Variants in TBCE observed in about 807,000 individuals in gnomAD.
TBCE encodes the protein tubulin folding cofactor E.
TBCE carries 53 observed loss-of-function variants against 77.0 expected under a neutral mutation model. The ratio of observed to expected loss-of-function variants is 0.69; its 90% confidence interval spans 0.55 to 0.87. The LOEUF is 0.87. TBCE is among the 40% of genes least tolerant of loss of function. The probability of loss-of-function intolerance (pLI) is 0.00; values close to 1 mark genes in which losing one functional copy is unlikely to be tolerated. For synonymous variants in TBCE, 235 were observed against 241.3 expected (o/e 0.97, Z 0.24); for missense variants, 624 against 622.4 (o/e 1.00, Z -0.03).
chr1:235,405,656 A>G (rs1242229839), intron 3 of TBCE, among the ~76,000 whole-genome samples: 1 of 152,062 alleles, frequency 6.6e-6, no homozygotes, highest in East Asian at 1.9e-4. Flanking sequence ...GAAAAAATAG[A>G]AGGAGTACAC....
rs150075040 is a variant in TBCE at position 235,408,248 on chromosome 1, G to A, written c.186-6185G>A. Among the ~76,000 whole-genome samples the A allele has an allele frequency of 1.8e-4, 28 of 152,264 alleles. No homozygotes were observed. In the East Asian group the frequency reaches 5.0e-3, roughly 27 times the overall value. ...ATTCACCCTGATGTGATTGTTACACGTGTGCCTGTATCAAAATATTGTATG... is the reference window on the plus strand; with the variant it reads ...ATTCACCCTGATGTGATTGTTACACATGTGCCTGTATCAAAATATTGTATG... On this transcript the variant is annotated intron_variant, in intron 3 of 16. Coordinates refer to ENST00000642610, the MANE Select transcript of TBCE (RefSeq NM_003193.5).
At chr1:235,428,105 A>G (rs1405065301) in intron 6 of TBCE, among the ~76,000 whole-genome samples, 1 of 151,768 alleles carries the variant, frequency 6.6e-6, no homozygotes, top group African/African-American at 2.4e-5. Flanking sequence ...CGGGCGGATC[A>G]TGAGGTCAGG....
chr1:235,388,722 G>A (rs1375182408), intron 2 of TBCE, among the ~76,000 whole-genome samples: 1 of 152,208 alleles, frequency 6.6e-6, no homozygotes, highest in Non-Finnish European at 1.5e-5. Flanking sequence ...AGCAGACTTA[G>A]CTAGAGATTT....
chr1:235,378,786 A>C (rs555511288), intron 1 of TBCE, among the ~76,000 whole-genome samples: 1 of 152,274 alleles, frequency 6.6e-6, no homozygotes, highest in East Asian at 1.9e-4. Flanking sequence ...GCTTGAACCC[A>C]GCAGGCAGAG....
intron 8 of TBCE, 149 bp from the exon 9 acceptor site, chr1:235,435,596 G>C (rs1175197053): frequency 1.4e-6 from 1 of 690,134 alleles, no homozygotes; most frequent in Non-Finnish European, 2.6e-6. Context: ...CATCACCACA[G>C]GGACCACTCA....
At chr1:235,425,893 A>G (rs554840169) in intron 5 of TBCE, among the ~76,000 whole-genome samples, 2 of 152,224 alleles carry the variant, frequency 1.3e-5, no homozygotes, top group South Asian at 4.1e-4. Flanking sequence ...TGGGCACTGC[A>G]TATAGAACAG....
At chr1:235,395,398 A>G (rs888683723) in intron 2 of TBCE, among the ~76,000 whole-genome samples, 8 of 151,966 alleles carry the variant, frequency 5.3e-5, no homozygotes, top group African/African-American at 1.4e-4. Flanking sequence ...ATGCACAATA[A>G]ATTATTGTTG....
At chr1:235,428,863 C>T (rs1002307511) in intron 6 of TBCE, among the ~76,000 whole-genome samples, 6 of 151,294 alleles carry the variant, frequency 4.0e-5, no homozygotes, top group Non-Finnish European at 8.8e-5. Context: ...AGGATAGTCT[C>T]AATCTCTTGA....
chr1:235,438,982 T>C, intron 13 of TBCE, 60 bp downstream of exon 13: 3 of 1,611,632 alleles, frequency 1.9e-6, no homozygotes, highest in Non-Finnish European at 2.5e-6. Context: ...ACAAAGTTTT[T>C]TCTTGGGTAT....
intron 8 of TBCE, among the ~76,000 whole-genome samples, chr1:235,434,577 C>T (rs1337917432): frequency 4.7e-5 from 7 of 149,384 alleles, no homozygotes; most frequent in Non-Finnish European, 7.4e-5. Flanking sequence ...CTCACTCTGT[C>T]GCCCAGGCTG....
At chr1:235,397,511 C>T (rs912058175) in intron 2 of TBCE, among the ~76,000 whole-genome samples, 1 of 152,200 alleles carries the variant, frequency 6.6e-6, no homozygotes, top group Non-Finnish European at 1.5e-5. Context: ...CCGCGTCCGG[C>T]ACTTTGTTGA....
At chr1:235,447,335 C>T (rs1023461726) in intron 15 of TBCE, among the ~76,000 whole-genome samples, 3 of 152,162 alleles carry the variant, frequency 2.0e-5, no homozygotes, top group African/African-American at 4.8e-5. Context: ...AGGAACACCA[C>T]ACTATTGCTG....
intron 5 of TBCE, among the ~76,000 whole-genome samples, chr1:235,424,386 G>A (rs865949491): frequency 3.3e-5 from 4 of 119,486 alleles, no homozygotes; most frequent in South Asian, 5.2e-4. Flanking sequence ...GTGCAGTGGC[G>A]CGATCTTGGC....
At chr1:235,386,206 C>T (rs1470612570) in intron 2 of TBCE, among the ~76,000 whole-genome samples, 1 of 151,702 alleles carries the variant, frequency 6.6e-6, no homozygotes, top group African/African-American at 2.4e-5. Flanking sequence ...TGATGGGCTT[C>T]CCTTTGTCTC....
intron 2 of TBCE, among the ~76,000 whole-genome samples, chr1:235,382,920 G>T (rs1272687958): frequency 6.6e-6 from 1 of 150,786 alleles, no homozygotes; most frequent in Non-Finnish European, 1.5e-5. Flanking sequence ...TATTGCCTAG[G>T]TTTTCTTCTA....
At chr1:235,395,043 C>T (rs1234624604) in intron 2 of TBCE, among the ~76,000 whole-genome samples, 2 of 152,186 alleles carry the variant, frequency 1.3e-5, no homozygotes, top group Non-Finnish European at 2.9e-5. Flanking sequence ...ATTCCATTGT[C>T]TGGATGTACC....
Position 235,427,168 on chromosome 1 carries a change from C to T in TBCE, c.489C>T (p.Asn163=). 1.9e-6 allele frequency: 3 copies of T among 1,613,924 alleles called. No homozygotes were observed. The highest frequency in any genetic ancestry group is 2.2e-5 in the East Asian group (1 of 44,874). Residue 163 remains asparagine (N), a synonymous_variant, in exon 6 of 17, where the codon AAC becomes AAT. Transcript: ENST00000642610. ...PNIRKVDLSK[N]LLSSWDEVIH... is the part of the protein sequence containing the mutation. Reference sequence around the variant, plus strand: ...TCAGAAAGGTAGATTTGTCAAAAAACCTGTTGTCATCATGGGATGAAGTGA... The same window carrying T: ...TCAGAAAGGTAGATTTGTCAAAAAATCTGTTGTCATCATGGGATGAAGTGA...
In TBCE at chr1:235,452,362, C is replaced by T. The variant is rs774685120; in HGVS notation, c.*3600C>T. Reference sequence around the variant, plus strand: ...AGGCAGGGGAACGTTGATTTATAACCTTTTGCTTTAAACTCAGAAAAATAC... The same window carrying T: ...AGGCAGGGGAACGTTGATTTATAACTTTTTGCTTTAAACTCAGAAAAATAC... On this transcript the variant is annotated 3_prime_UTR_variant, in exon 17 of 17. Transcript: ENST00000642610. 1 of 152,040 alleles carries T rather than the reference C, an allele frequency of 6.6e-6. No individual in the cohort carries two copies. The highest frequency in any genetic ancestry group is 1.5e-5 in the Non-Finnish European group (1 of 68,016). 9.4% of individuals were successfully genotyped at this position (152,040 alleles called of 1,614,324 possible).
At chr1:235,439,644 C>T (rs983146789) in intron 13 of TBCE, among the ~76,000 whole-genome samples, 67 of 151,044 alleles carry the variant, frequency 4.4e-4, no homozygotes, top group African/African-American at 1.5e-3. Context: ...CCCGCCACCA[C>T]GCCCGACTAA....
Sources: allele counts gnomAD v4.1 joint callset (sites outside exome capture counted in the v4.1 genomes callset), GRCh38; gene constraint gnomAD v4.1.1; transcripts MANE v1.5; gene names NCBI Gene and HGNC (gene_info 2026-07-23, HGNC 2026-07-21).